The following DLG1 variants were observed in gnomAD, a reference collection of about 807,000 sequenced individuals.
The protein encoded by DLG1 is disks large homolog 1.
DLG1 carries 42 observed loss-of-function variants against 123.4 expected under a neutral mutation model. That is an observed-to-expected ratio of 0.34 (90% CI 0.27 to 0.44). The LOEUF is 0.44. Among genes scored for constraint, DLG1 ranks in the 20% least tolerant of loss-of-function variants. The pLI is 1.00. For synonymous variants in DLG1, 317 were observed against 356.2 expected (o/e 0.89, Z 1.24); for missense variants, 942 against 1,082.6 (o/e 0.87, Z 1.82).
chr3:197,119,647 G>C, intron 11 of DLG1, 117 bp from the exon 12 acceptor site: 1 of 1,048,522 alleles, frequency 9.5e-7, no homozygotes, highest in Non-Finnish European at 1.3e-6. Flanking sequence ...GAATTTGGTA[G>C]AGAAGATTTA....
chr3:197,054,965 G>A (rs1479903907), intron 23 of DLG1, among the ~76,000 whole-genome samples: 1 of 151,930 alleles, frequency 6.6e-6, no homozygotes, highest in Non-Finnish European at 1.5e-5. Context: ...ACAGATGCCC[G>A]CCACCACGCC....
chr3:197,052,409 C>T lies in DLG1; in HGVS notation c.2484-741G>A, dbSNP rs181779543. On this transcript the variant is annotated intron_variant, in intron 23 of 24. Coordinates refer to ENST00000667157, the MANE Select transcript of DLG1 (RefSeq NM_001366207.1). ...GGCAGAGGTTGCAGTGAGCCGAGAT[C>T]GTGCCACTGCACTCCAGTCTGGGTG... Among the ~76,000 whole-genome samples, 18 of 152,112 alleles carry T rather than the reference C, an allele frequency of 1.2e-4. 3 individuals are homozygous for T. The East Asian group carries it at 3.1e-3, about 26-fold the overall frequency.
At chr3:197,097,269 T>C (rs1000216483) in intron 14 of DLG1, among the ~76,000 whole-genome samples, 2 of 151,662 alleles carry the variant, frequency 1.3e-5, no homozygotes, top group Admixed American at 6.6e-5. Flanking sequence ...AACATGCAGA[T>C]TGTACAAAAA....
intron 4 of DLG1, among the ~76,000 whole-genome samples, chr3:197,217,147 C>G (rs1252433750): frequency 6.6e-6 from 1 of 152,162 alleles, no homozygotes; most frequent in African/African-American, 2.4e-5. Context: ...ATCCCAGTAT[C>G]CTAAGAGTAT....
intron 23 of DLG1, among the ~76,000 whole-genome samples, chr3:197,058,680 G>C (rs765918933): frequency 1.3e-5 from 2 of 152,324 alleles, no homozygotes; most frequent in Non-Finnish European, 1.5e-5. Context: ...TCTTGCAGAT[G>C]ATGAGTGCAG....
intron 4 of DLG1, among the ~76,000 whole-genome samples, chr3:197,220,871 T>G (rs1425288975): frequency 6.6e-6 from 1 of 152,238 alleles, no homozygotes; most frequent in African/African-American, 2.4e-5. Flanking sequence ...ACATTTCATC[T>G]TAGAAGAAGG....
chr3:197,257,755 G>A (rs556377745), intron 4 of DLG1, among the ~76,000 whole-genome samples: 194 of 152,192 alleles, frequency 1.3e-3, no homozygotes, highest in African/African-American at 4.4e-3. Context: ...CCTCAGCTGC[G>A]GTTTAAGCAG....
intron 1 of DLG1, chr3:197,298,285 G>A: frequency 5.2e-6 from 2 of 381,236 alleles, no homozygotes; most frequent in South Asian, 1.5e-4. Context: ...GGAACGGAAG[G>A]GGTACCCGGG....
At chr3:197,192,865 T>A (rs1208608228) in intron 5 of DLG1, among the ~76,000 whole-genome samples, 2 of 151,710 alleles carry the variant, frequency 1.3e-5, no homozygotes, top group African/African-American at 4.8e-5. Flanking sequence ...AAACAAAGAG[T>A]CTGAAATAAG....
rs535115551 is a variant in DLG1, at chr3:197,129,152, T to G, written c.1165+1375A>C. Among the ~76,000 whole-genome samples the G allele has an allele frequency of 9.7e-3, 1,474 of 152,342 alleles. 16 individuals are homozygous for G. The highest frequency in any genetic ancestry group is 0.023 in the African/African-American group (954 of 41,572). On this transcript the variant is annotated intron_variant, in intron 11 of 24. Transcript: ENST00000667157. ...CTCTAGCTGTGAAAGTCCTAAAAGG[T>G]GTCTTTTTCCAGTAGAAGGCTGTTT...
chr3:197,121,208 C>CA (rs1286104545), intron 11 of DLG1, among the ~76,000 whole-genome samples: 1 of 152,108 alleles, frequency 6.6e-6, no homozygotes, highest in East Asian at 1.9e-4. Flanking sequence ...CACATACTCT[C>CA]AGACAACAGA....
At chr3:197,291,526 G>A (rs1187320591) in intron 3 of DLG1, among the ~76,000 whole-genome samples, 5 of 152,114 alleles carry the variant, frequency 3.3e-5, no homozygotes, top group Non-Finnish European at 5.9e-5. Context: ...TTCCTTCAAA[G>A]TGACAATCAT....
rs576673957 is a variant in DLG1 at position 197,285,955 on chromosome 3, T to C, written c.152-3110A>G. Among the ~76,000 whole-genome samples the C allele has an allele frequency of 2.0e-5, 3 of 152,342 alleles. No individual in the cohort carries two copies. In the South Asian group the frequency reaches 6.2e-4, roughly 32 times the overall value. On this transcript the variant is annotated intron_variant, in intron 3 of 24. Transcript: ENST00000667157. ...CTCACAGTAGCTTTATACTAACTGATAAAACTTTGAAGCAACCAATATGTT... is the reference window on the plus strand; with the variant it reads ...CTCACAGTAGCTTTATACTAACTGACAAAACTTTGAAGCAACCAATATGTT...
At chr3:197,216,369 T>C (rs191594839) in intron 4 of DLG1, among the ~76,000 whole-genome samples, 1 of 152,140 alleles carries the variant, frequency 6.6e-6, no homozygotes, top group Non-Finnish European at 1.5e-5. Flanking sequence ...GCAGGACTTA[T>C]GAGAGTGAGT....
intron 24 of DLG1, among the ~76,000 whole-genome samples, chr3:197,048,816 C>T (rs903989954): frequency 5.3e-5 from 8 of 152,118 alleles, no homozygotes; most frequent in African/African-American, 7.2e-5. Flanking sequence ...CCACCACGCC[C>T]GGCTAATTTT....
chr3:197,110,035 G>A (rs1471686942), intron 13 of DLG1, among the ~76,000 whole-genome samples: 3 of 152,272 alleles, frequency 2.0e-5, no homozygotes, highest in Admixed American at 6.5e-5. Flanking sequence ...TTTTAATCAA[G>A]TTCTAGAAGT....
At chr3:197,236,660 G>A (rs1746129066) in intron 4 of DLG1, among the ~76,000 whole-genome samples, 1 of 152,128 alleles carries the variant, frequency 6.6e-6, no homozygotes, top group Non-Finnish European at 1.5e-5. Flanking sequence ...TCCCTAAAGG[G>A]GGACAGGGGA....
intron 5 of DLG1, among the ~76,000 whole-genome samples, chr3:197,180,497 T>C (rs1202059064): frequency 6.6e-6 from 1 of 152,102 alleles, no homozygotes; most frequent in Non-Finnish European, 1.5e-5. Context: ...ACAAAAACAC[T>C]ATGAAGCCTC....
chr3:197,246,977 C>A (rs1285827669), intron 4 of DLG1, among the ~76,000 whole-genome samples: 1 of 152,202 alleles, frequency 6.6e-6, no homozygotes, highest in Non-Finnish European at 1.5e-5. Context: ...CCAGGATGGA[C>A]ATTCACTCAG....
Sources: allele counts gnomAD v4.1 joint callset (sites outside exome capture counted in the v4.1 genomes callset), GRCh38; gene constraint gnomAD v4.1.1; transcripts MANE v1.5; gene names NCBI Gene and HGNC (gene_info 2026-07-23, HGNC 2026-07-21).